The following KLHL5 variants were observed in gnomAD, a reference collection of about 807,000 sequenced individuals.
The protein encoded by KLHL5 is kelch like family member 5.
KLHL5 carries 48 observed loss-of-function variants against 77.7 expected under a neutral mutation model. That is an observed-to-expected ratio of 0.62 (90% CI 0.49 to 0.79). KLHL5 has a LOEUF of 0.79. Among genes scored for constraint, KLHL5 ranks in the 30% least tolerant of loss-of-function variants. KLHL5 has a pLI of 0.00. For missense variants in KLHL5, 723 were observed against 859.7 expected, an observed-to-expected ratio of 0.84 and a Z score of 1.99; for synonymous variants, 260 against 297.0, an observed-to-expected ratio of 0.88 and a Z score of 1.28.
chr4:39,110,319 G>C (rs890846966), intron 8 of KLHL5, among the ~76,000 whole-genome samples: 5 of 152,174 alleles, frequency 3.3e-5, no homozygotes, highest in African/African-American at 4.8e-5. Context: ...ACAGATAAGA[G>C]GCTGAAATGG....
Position 39,122,892 on chromosome 4 carries a change from CTAT to C in KLHL5, c.*1827_*1829del, listed in dbSNP as rs1297485387. Among the ~76,000 whole-genome samples, 1 of 151,896 alleles carries C rather than the reference CTAT, an allele frequency of 6.6e-6. No individual in the cohort carries two copies. Among genetic ancestry groups the C allele is most frequent in the Non-Finnish European group, 1.5e-5 (1 of 67,978 alleles). Reference sequence around the variant, plus strand: ...TAATAAAAAAAAGAGGGTTTATGCTCTATAGTAATAAAATTTACCAGTAACACC... The same window carrying C: ...TAATAAAAAAAAGAGGGTTTATGCTCAGTAATAAAATTTACCAGTAACACC... On this transcript the variant is annotated 3_prime_UTR_variant, in exon 11 of 11. Coordinates refer to ENST00000504108, the MANE Select transcript of KLHL5 (RefSeq NM_015990.5).
intron 1 of KLHL5, among the ~76,000 whole-genome samples, chr4:39,064,352 G>A (rs1390516047): frequency 6.6e-6 from 1 of 152,052 alleles, no homozygotes; most frequent in Non-Finnish European, 1.5e-5. Flanking sequence ...GATCAATTGA[G>A]CTAATGTGGT....
At chr4:39,139,492 A>T in the KLHL5 span, among the ~76,000 whole-genome samples, 1 of 152,028 alleles carries the variant, frequency 6.6e-6, no homozygotes, top group African/African-American at 2.4e-5. Flanking sequence ...CGTTTGTCCA[A>T]ACTCACAGAA....
intron 2 of KLHL5, among the ~76,000 whole-genome samples, chr4:39,079,827 A>C (rs924476446): frequency 6.6e-6 from 1 of 152,182 alleles, no homozygotes; most frequent in Admixed American, 6.5e-5. Context: ...TTTGTTCATT[A>C]AATGAATGAA....
At chr4:39,082,402 G>A (rs1719697087) in intron 4 of KLHL5, among the ~76,000 whole-genome samples, 1 of 152,108 alleles carries the variant, frequency 6.6e-6, no homozygotes, top group South Asian at 2.1e-4. Context: ...AGTGGCCTAG[G>A]ACTGTTCCAT....
chr4:39,088,376 T>C (rs775655151), intron 5 of KLHL5, among the ~76,000 whole-genome samples: 3 of 152,142 alleles, frequency 2.0e-5, no homozygotes, highest in Non-Finnish European at 4.4e-5. Flanking sequence ...AAAAAGTAAA[T>C]CCATATGTTC....
chr4:39,060,606 C>T (rs971358140), upstream of KLHL5, among the ~76,000 whole-genome samples: 1 of 152,138 alleles, frequency 6.6e-6, no homozygotes, highest in African/African-American at 2.4e-5. Flanking sequence ...ACCAGAGTTT[C>T]TCTGGGAGGC....
At chr4:39,115,087 T>G in intron 9 of KLHL5, 72 bp from the exon 10 acceptor site, 1 of 1,375,500 alleles carries the variant, frequency 7.3e-7, no homozygotes, top group Non-Finnish European at 1.0e-6. Context: ...AAGATAGACT[T>G]GAAGAACAAA....
chr4:39,115,893 C>A, intron 10 of KLHL5: 1 of 990,168 alleles, frequency 1.0e-6, no homozygotes, highest in Non-Finnish European at 1.2e-6. Flanking sequence ...CTTTTGAGAT[C>A]TTTGCTTCCA....
chr4:39,097,406 T>G (rs927114875), intron 6 of KLHL5, among the ~76,000 whole-genome samples: 1 of 152,216 alleles, frequency 6.6e-6, no homozygotes, highest in African/African-American at 2.4e-5. Flanking sequence ...GTTTACTAGT[T>G]ACAAAGAGTA....
intron 8 of KLHL5, among the ~76,000 whole-genome samples, chr4:39,110,804 A>G (rs936853954): frequency 3.3e-5 from 5 of 152,150 alleles, no homozygotes; most frequent in Non-Finnish European, 5.9e-5. Context: ...AAAGTCAGGC[A>G]AGACCTAAAT....
downstream of KLHL5, among the ~76,000 whole-genome samples, chr4:39,129,293 C>T (rs1401412076): frequency 2.6e-5 from 4 of 151,628 alleles, no homozygotes; most frequent in African/African-American, 9.7e-5. This position sits in a 1 kb window ranked among gnomAD's most constrained non-coding sequence, Gnocchi z 4.2. Flanking sequence ...CTGCAACCTC[C>T]GCCTCCTGGG....
At chr4:39,068,155 T>C (rs1255154343) in intron 1 of KLHL5, among the ~76,000 whole-genome samples, 3 of 152,172 alleles carry the variant, frequency 2.0e-5, no homozygotes. Flanking sequence ...ATCTGCATAA[T>C]ATCACCACTC....
intron 5 of KLHL5, among the ~76,000 whole-genome samples, chr4:39,096,194 T>C (rs1015732585): frequency 4.7e-5 from 7 of 147,830 alleles, no homozygotes; most frequent in African/African-American, 1.9e-4. Flanking sequence ...GGGATTTTAA[T>C]GTTTTTAGAC....
intron 1 of KLHL5, among the ~76,000 whole-genome samples, chr4:39,052,635 G>A (rs73133452): frequency 1.7e-4 from 26 of 152,306 alleles, no homozygotes; most frequent in African/African-American, 5.3e-4. Context: ...CTACTTTGGC[G>A]ATAGCATGGA....
intron 7 of KLHL5, among the ~76,000 whole-genome samples, chr4:39,104,221 G>A (rs1299532931): frequency 6.6e-6 from 1 of 152,104 alleles, no homozygotes; most frequent in Non-Finnish European, 1.5e-5. Flanking sequence ...ATGATTTTAA[G>A]TTTGATAAGG....
At chr4:39,142,786 G>GA in the KLHL5 span, among the ~76,000 whole-genome samples, 2,588 of 120,460 alleles carry the variant, frequency 0.021, 66 homozygotes, top group African/African-American at 0.068. Context: ...TATGCTGAGT[G>GA]AAAAAAAAAA....
At chr4:39,109,452 C>T (rs1375383364) in intron 8 of KLHL5, among the ~76,000 whole-genome samples, 1 of 151,920 alleles carries the variant, frequency 6.6e-6, no homozygotes, top group Non-Finnish European at 1.5e-5. Flanking sequence ...GTGTGCACTA[C>T]CATGTCCAGC....
chr4:39,069,430 TTATA>T (rs60740721), intron 1 of KLHL5, among the ~76,000 whole-genome samples: 492 of 29,818 alleles, frequency 0.017, 3 homozygotes, highest in Middle Eastern at 0.043. Context: ...TATTAACATT[TTATA>T]TATATATATA....
Sources: allele counts gnomAD v4.1 joint callset (sites outside exome capture counted in the v4.1 genomes callset), GRCh38; gene constraint gnomAD v4.1.1; non-coding constraint Gnocchi (gnomAD v3.1); transcripts MANE v1.5; gene names NCBI Gene and HGNC (gene_info 2026-07-23, HGNC 2026-07-21).